Variants in GTF2H1 observed in about 807,000 individuals in gnomAD.
The protein encoded by GTF2H1 is BTF2 p62.
A neutral mutation model predicts 71.2 loss-of-function variants in GTF2H1; 16 were observed. The ratio of observed to expected loss-of-function variants is 0.22; its 90% CI spans 0.15 to 0.34. The LOEUF is 0.34. Among genes scored for constraint, GTF2H1 ranks in the 10% least tolerant of loss-of-function variants. The pLI is 1.00. For synonymous variants in GTF2H1, 215 were observed against 219.0 expected (o/e 0.98, Z 0.16); for missense variants, 498 against 648.2 (o/e 0.77, Z 2.52).
intron 11 of GTF2H1, among the ~76,000 whole-genome samples, chr11:18,354,776 A>G (rs1163627329): frequency 6.6e-6 from 1 of 151,812 alleles, no homozygotes; most frequent in Non-Finnish European, 1.5e-5. Flanking sequence ...TGAGTTAAAC[A>G]CTGTTGCTAT....
In GTF2H1 at chr11:18,365,772, G is replaced by C; in HGVS notation, c.1561-11G>C. On this transcript the variant is annotated splice_polypyrimidine_tract_variant and intron_variant, in intron 14 of 14. Coordinates refer to ENST00000265963, the MANE Select transcript of GTF2H1 (RefSeq NM_005316.4). ...TTGCCCAGTTGTTAAGTGTCTTGCT[G>C]TGTTTTTCAGTTGGTAAGTCACATA... 1.3e-6 allele frequency: 2 copies of C among 1,599,444 alleles called. No individual in the cohort carries two copies. Among genetic ancestry groups the C allele is most frequent in the Non-Finnish European group, 8.6e-7 (1 of 1,166,624 alleles).
At chr11:18,340,519 C>T (rs1865132102) in intron 5 of GTF2H1, among the ~76,000 whole-genome samples, 1 of 152,100 alleles carries the variant, frequency 6.6e-6, no homozygotes, top group Non-Finnish European at 1.5e-5. Flanking sequence ...AATTCCTGAC[C>T]TCAAGTGATC....
intron 4 of GTF2H1, among the ~76,000 whole-genome samples, chr11:18,339,216 CAGTT>C (rs1030233531): frequency 1.3e-5 from 2 of 152,138 alleles, no homozygotes; most frequent in African/African-American, 2.4e-5. Flanking sequence ...AGAAGTCAGT[CAGTT>C]AATGTTAATT....
chr11:18,342,382 C>G lies in GTF2H1; in HGVS notation c.837+775C>G, dbSNP rs565286596. On this transcript the variant is annotated intron_variant, in intron 7 of 14. Coordinates refer to ENST00000265963, the MANE Select transcript of GTF2H1 (RefSeq NM_005316.4). ...GTTAAAGCCATTCTCCTGCCTCAGC[C>G]TCCCAAGTAGCTGGAATTACAGGCA... Among the ~76,000 whole-genome samples, 3 of 151,662 alleles carry G rather than the reference C, an allele frequency of 2.0e-5. No homozygotes were observed. In the South Asian group the frequency reaches 6.2e-4, roughly 32 times the overall value.
intron 2 of GTF2H1, 89 bp from the exon 3 acceptor site, chr11:18,335,665 C>T: frequency 1.1e-6 from 1 of 913,124 alleles, no homozygotes; most frequent in Non-Finnish European, 1.7e-6. Context: ...CCAAAGGAAT[C>T]CTGAATCATC....
chr11:18,354,278 T>A (rs1272369288), intron 11 of GTF2H1, among the ~76,000 whole-genome samples: 1 of 152,236 alleles, frequency 6.6e-6, no homozygotes, highest in Non-Finnish European at 1.5e-5. Context: ...CTTGTGATAT[T>A]AAATTTTTTC....
chr11:18,350,010 T>G (rs1865389636), intron 9 of GTF2H1, among the ~76,000 whole-genome samples: 1 of 152,262 alleles, frequency 6.6e-6, no homozygotes, highest in South Asian at 2.1e-4. Flanking sequence ...GTTTCTCTAC[T>G]GAATGTGAAT....
chr11:18,324,521 G>C (rs1237940290), intron 1 of GTF2H1, among the ~76,000 whole-genome samples: 2 of 152,154 alleles, frequency 1.3e-5, no homozygotes, highest in African/African-American at 4.8e-5. Context: ...CTCCCTGCTG[G>C]TACCATGTGT....
intron 14 of GTF2H1, among the ~76,000 whole-genome samples, chr11:18,363,309 G>A (rs1865749401): frequency 6.6e-6 from 1 of 152,130 alleles, no homozygotes; most frequent in Admixed American, 6.5e-5. Context: ...TCATTATCAA[G>A]TATTAGGTCC....
At chr11:18,330,205 A>C (rs754743735) in intron 1 of GTF2H1, among the ~76,000 whole-genome samples, 2 of 152,184 alleles carry the variant, frequency 1.3e-5, no homozygotes, top group Non-Finnish European at 2.9e-5. Context: ...TGGCTTTCTG[A>C]GTGAAGAAAC....
chr11:18,354,884 C>G (rs1251705577), intron 11 of GTF2H1, among the ~76,000 whole-genome samples: 1 of 152,010 alleles, frequency 6.6e-6, no homozygotes, highest in Non-Finnish European at 1.5e-5. Context: ...TCTCGGCCCA[C>G]TGCAACCTCC....
chr11:18,362,593 T>C (rs955255295), intron 14 of GTF2H1, among the ~76,000 whole-genome samples: 1 of 151,832 alleles, frequency 6.6e-6, no homozygotes, highest in African/African-American at 2.4e-5. Context: ...TGTATTCTTA[T>C]TCTATAAGCC....
intron 2 of GTF2H1, among the ~76,000 whole-genome samples, chr11:18,334,910 TG>T (rs1346458481): frequency 1.3e-5 from 2 of 152,210 alleles, no homozygotes; most frequent in Non-Finnish European, 2.9e-5. Flanking sequence ...ACATTTCCAT[TG>T]GTTGTCTCAG....
At chr11:18,334,957 T>C (rs1864989637) in intron 2 of GTF2H1, among the ~76,000 whole-genome samples, 1 of 152,210 alleles carries the variant, frequency 6.6e-6, no homozygotes, top group Non-Finnish European at 1.5e-5. Context: ...TTTATTTTTT[T>C]ATTTTTTTAT....
rs550396649 is a variant in GTF2H1 at position 18,351,914 on chromosome 11, T to G, written c.1087T>G (p.Leu363Val). 1 of 1,595,110 alleles carries G rather than the reference T, an allele frequency of 6.3e-7. No individual in the cohort carries two copies. The highest frequency in any genetic ancestry group is 8.6e-7 in the Non-Finnish European group (1 of 1,163,072). The change falls in exon 10 of 15, where the codon TTG becomes GTG. Residue 363 changes from leucine (L) to valine (V), a missense_variant. Physicochemically the swap from Leu to Val is conservative, Grantham distance 32 (BLOSUM62 1). Transcript: ENST00000265963. The part of the protein sequence containing the change: ...KLQESIEYED[L>V]GKNNSVKTIA... ...ACAAGAGTCCATTGAATATGAAGAC[T>G]TGGGGAAAAATAATTCTGTAAAAAC... is the stretch of plus-strand genomic sequence containing the variant.
chr11:18,353,035 G>A (rs1865462718), intron 11 of GTF2H1, among the ~76,000 whole-genome samples: 1 of 152,188 alleles, frequency 6.6e-6, no homozygotes, highest in Admixed American at 6.5e-5. Context: ...AGACCAGCCT[G>A]ACCAACATGG....
At chr11:18,329,552 C>T (rs1864846351) in intron 1 of GTF2H1, among the ~76,000 whole-genome samples, 1 of 152,204 alleles carries the variant, frequency 6.6e-6, no homozygotes, top group Non-Finnish European at 1.5e-5. Flanking sequence ...AAATCACTCC[C>T]CTATTCAAAA....
chr11:18,330,861 A>C (rs967957057), intron 1 of GTF2H1, among the ~76,000 whole-genome samples: 1 of 152,144 alleles, frequency 6.6e-6, no homozygotes, highest in African/African-American at 2.4e-5. Flanking sequence ...ATGTATTCAC[A>C]TTGACCTATT....
Position 18,338,238 on chromosome 11 carries a change from T to A in GTF2H1, c.477T>A (p.Asn159Lys). The A allele has an allele frequency of 6.2e-7, 1 of 1,610,240 alleles. No homozygotes were observed. The highest frequency in any genetic ancestry group is 8.5e-7 in the Non-Finnish European group (1 of 1,176,466). The change falls in exon 4 of 15, where the codon AAT becomes AAA. Residue 159 changes from asparagine (N) to lysine (K), a missense_variant. Transcript: ENST00000265963. ...CAACAGATAGTTCTTCCACATCCAATCATAAGCAGGATGTTGGCATTTCTG... is the reference window on the plus strand; with the variant it reads ...CAACAGATAGTTCTTCCACATCCAAACATAAGCAGGATGTTGGCATTTCTG... ...VNATDSSSTS[N>K]HKQDVGISAA...
Sources: gnomAD v4.1 joint callset for allele counts (sites outside exome capture counted in the v4.1 genomes callset) on GRCh38, gnomAD v4.1.1 for gene constraint, MANE v1.5 for transcripts, NCBI Gene and HGNC (gene_info 2026-07-23, HGNC 2026-07-21) for gene names.